Variants in FNDC3B observed in about 807,000 individuals in gnomAD.
FNDC3B encodes the protein fibronectin type III domain containing 3B, also known as fibronectin type III domain-containing protein 3B.
In FNDC3B, 12 loss-of-function variants were observed where a neutral mutation model predicts 151.5. The ratio of observed to expected loss-of-function variants is 0.08; its 90% CI spans 0.05 to 0.13. The LOEUF (loss-of-function observed/expected upper bound fraction) is 0.13. Among genes scored for constraint, FNDC3B ranks in the 10% least tolerant of loss-of-function variants. FNDC3B has a pLI of 1.00. For synonymous variants in FNDC3B, 528 were observed against 549.0 expected (o/e 0.96, Z 0.54); for missense variants, 1,214 against 1,505.3 (o/e 0.81, Z 3.20).
At chr3:172,111,304 T>G (rs1719953656) in intron 1 of FNDC3B, among the ~76,000 whole-genome samples, 1 of 152,174 alleles carries the variant, frequency 6.6e-6, no homozygotes, top group Non-Finnish European at 1.5e-5. Flanking sequence ...TAATTTTAAT[T>G]GTAAAAGAAT....
rs397696676 is a variant in FNDC3B, at chr3:172,042,831, GT to G, written c.-29+3077del. On this transcript the variant is annotated intron_variant, in intron 1 of 25. Coordinates refer to ENST00000415807, the MANE Select transcript of FNDC3B (RefSeq NM_022763.4). ...AGTGGACTGAGGAACAACAGTTTAA[GT>G]TTTTTTTTTTTTTTTTGAAATGGAG... Among the ~76,000 whole-genome samples the G allele has an allele frequency of 5.0e-3, 712 of 141,378 alleles. 2 individuals are homozygous for G. The highest frequency in any genetic ancestry group is 0.013 in the African/African-American group (512 of 38,466). The allele number at this position is 141,378 out of a possible 152,430, so 92.7% of individuals were successfully genotyped here. A position where few individuals can be genotyped will look rare whatever the true frequency, so the allele number is the denominator to read the frequency against.
In FNDC3B at chr3:172,112,535, T is replaced by C; in HGVS notation, c.56T>C (p.Leu19Pro). 1 of 1,614,212 alleles carries C rather than the reference T, an allele frequency of 6.2e-7. No homozygotes were observed. Among genetic ancestry groups the C allele is most frequent in the East Asian group, 2.2e-5 (1 of 44,888 alleles). Residue 19 changes from leucine (L) to proline (P), a missense_variant, in exon 2 of 26, where the codon CTG (leucine) becomes CCG (proline). This residue lies in a region of FNDC3B where 113 missense variants were observed against 177.8 expected (regional missense o/e 0.64). Transcript: ENST00000415807. Reference sequence around the variant, plus strand: ...ATCCCTCTGGAACTGCCACCATTGCTGAACGGAGAGGTAGCCATGATGCCC... The same window carrying C: ...ATCCCTCTGGAACTGCCACCATTGCCGAACGGAGAGGTAGCCATGATGCCC... ...DQIPLELPPL[L>P]NGEVAMMPHL...
intron 23 of FNDC3B, among the ~76,000 whole-genome samples, chr3:172,368,267 C>G (rs631239): frequency 8.2e-6 from 1 of 121,876 alleles, no homozygotes; most frequent in Non-Finnish European, 1.6e-5. Context: ...GAGACCCAGA[C>G]TCTTAAAAAA....
chr3:172,234,454 A>T (rs1336809050), intron 4 of FNDC3B, among the ~76,000 whole-genome samples: 1 of 152,174 alleles, frequency 6.6e-6, no homozygotes, highest in Non-Finnish European at 1.5e-5. Flanking sequence ...GGAGAGAGGA[A>T]AGTGTTTCAG....
chr3:172,313,790 C>T (rs911333083), intron 11 of FNDC3B, among the ~76,000 whole-genome samples: 6 of 152,292 alleles, frequency 3.9e-5, no homozygotes, highest in African/African-American at 1.4e-4. Context: ...ATCGGGTTTC[C>T]TGGCAATGAG....
chr3:172,112,708 G>A lies in FNDC3B; in HGVS notation c.111+118G>A. The A allele has an allele frequency of 4.1e-6, 3 of 740,144 alleles. No individual in the cohort carries two copies. The Admixed American group carries it at 6.3e-5, about 16-fold the overall frequency. The allele number at this position is 740,144 out of a possible 1,614,324, so 45.8% of individuals were successfully genotyped here. A position where few individuals can be genotyped will look rare whatever the true frequency, so the allele number is the denominator to read the frequency against. On this transcript the variant is annotated intron_variant, in intron 2 of 25. Coordinates refer to ENST00000415807, the MANE Select transcript of FNDC3B (RefSeq NM_022763.4). The stretch of plus-strand genomic sequence containing the variant: ...ATTTCAAACCTTAGCATTTCTAGAG[G>A]TAAGTGTTTTTGTTGTAGAAATACT...
chr3:172,262,740 C>A (rs10049220), intron 6 of FNDC3B, among the ~76,000 whole-genome samples: 43,248 of 150,286 alleles, frequency 0.29, 9,507 homozygotes, highest in African/African-American at 0.63. Context: ...CCATCTCTGA[C>A]AAAAAAAATT....
In FNDC3B at chr3:172,143,415, A is replaced by G. The variant is rs1358753763; in HGVS notation, c.187+9869A>G. On this transcript the variant is annotated intron_variant, in intron 3 of 25. Transcript: ENST00000415807. ...GGAGAATAGGATGGGAATACCTTAG[A>G]AAATGTTAGGCTATTTAATCCTTAA... Among the ~76,000 whole-genome samples the G allele has an allele frequency of 7.2e-5, 11 of 152,232 alleles. No homozygotes were observed. In the South Asian group the frequency reaches 2.3e-3, roughly 32 times the overall value.
intron 1 of FNDC3B, among the ~76,000 whole-genome samples, chr3:172,086,200 T>C (rs1718539263): frequency 6.6e-6 from 1 of 151,862 alleles, no homozygotes; most frequent in South Asian, 2.1e-4. Context: ...GTGTCTACAA[T>C]AAATTAAAAA....
chr3:172,171,554 G>A (rs537749014), intron 3 of FNDC3B, among the ~76,000 whole-genome samples: 15 of 151,526 alleles, frequency 9.9e-5, no homozygotes, highest in Non-Finnish European at 1.5e-4. Flanking sequence ...TTAGAGGGAG[G>A]AATTGCATTC....
At chr3:172,177,626 C>CTTTTTTTTTTTTTTTTTTTTTTTTTTTTT (rs10684671) in intron 3 of FNDC3B, among the ~76,000 whole-genome samples, 7 of 84,840 alleles carry the variant, frequency 8.3e-5, no homozygotes, top group African/African-American at 2.9e-4. Context: ...TTACCACCAT[C>CTTTTTTTTTTTTTTTTTTTTTTTTTTTTT]TTTTTTTTTT....
At chr3:172,087,981 C>A (rs1282336539) in intron 1 of FNDC3B, among the ~76,000 whole-genome samples, 1 of 152,132 alleles carries the variant, frequency 6.6e-6, no homozygotes, top group Non-Finnish European at 1.5e-5. Context: ...GTTCATGTAT[C>A]TTGAAGCTTT....
chr3:172,359,008 GTGGTGGTGGTGA>G (rs1264335142), intron 22 of FNDC3B, among the ~76,000 whole-genome samples: 13 of 120,726 alleles, frequency 1.1e-4, no homozygotes, highest in Admixed American at 2.5e-4. Context: ...GGTGGTGGTG[GTGGTGGTGGTGA>G]TGGTGGCGGT....
intron 6 of FNDC3B, among the ~76,000 whole-genome samples, chr3:172,272,974 C>T (rs1729272215): frequency 6.6e-6 from 1 of 152,156 alleles, no homozygotes; most frequent in East Asian, 1.9e-4. Context: ...CTGCACAAAA[C>T]TTCTTTGCTT....
chr3:172,069,875 G>A (rs1223457359), intron 1 of FNDC3B, among the ~76,000 whole-genome samples: 2 of 152,154 alleles, frequency 1.3e-5, no homozygotes, highest in African/African-American at 4.8e-5. Context: ...TTCCAAATCT[G>A]TTTCTATTAT....
At chr3:172,227,001 C>T in intron 4 of FNDC3B, 54 bp downstream of exon 4, 1 of 1,192,752 alleles carries the variant, frequency 8.4e-7, no homozygotes, top group Non-Finnish European at 1.3e-6. Flanking sequence ...GTTGCTCCAA[C>T]AGAATATATG....
At chr3:172,240,909 G>T (rs141864687) in intron 4 of FNDC3B, among the ~76,000 whole-genome samples, 1 of 152,048 alleles carries the variant, frequency 6.6e-6, no homozygotes, top group African/African-American at 2.4e-5. Flanking sequence ...GATTCTCTCC[G>T]TTGCACATTT....
At chr3:172,365,230 G>T (rs1436901760) in intron 23 of FNDC3B, among the ~76,000 whole-genome samples, 3 of 152,194 alleles carry the variant, frequency 2.0e-5, no homozygotes, top group Non-Finnish European at 4.4e-5. Flanking sequence ...CAGTTGAAAA[G>T]AACAGTGTCT....
chr3:172,324,342 C>G lies in FNDC3B; in HGVS notation c.1255-4610C>G, dbSNP rs7616327. ...AACACCCTCGTCCCTGGTTGGAAAA[C>G]ATTACCCCAGGGTGATGAATTGGTG... On this transcript the variant is annotated intron_variant, in intron 11 of 25. Coordinates refer to ENST00000415807, the MANE Select transcript of FNDC3B (RefSeq NM_022763.4). 1.2e-3 allele frequency among the ~76,000 whole-genome samples: 190 copies of G among 152,232 alleles called. 1 individual carries two copies. The highest frequency in any genetic ancestry group is 4.4e-3 in the African/African-American group (182 of 41,550).
Sources: allele counts gnomAD v4.1 joint callset (sites outside exome capture counted in the v4.1 genomes callset), GRCh38; gene constraint gnomAD v4.1.1; regional missense constraint gnomAD v4.1.1; transcripts MANE v1.5; gene names NCBI Gene and HGNC (gene_info 2026-07-23, HGNC 2026-07-21).